The following CCNE1 variants were observed in gnomAD, a reference collection of about 807,000 sequenced individuals.
CCNE1 encodes G1/S-specific cyclin-E1.
A neutral mutation model predicts 54.1 loss-of-function variants in CCNE1; 8 were observed. The ratio of observed to expected loss-of-function variants is 0.15; its 90% CI spans 0.09 to 0.27. The LOEUF (loss-of-function observed/expected upper bound fraction) is 0.27, where lower values mean the gene tolerates loss of function less well. Ranked by LOEUF, CCNE1 falls within the 10% of genes least tolerant of loss-of-function variation. The pLI is 1.00. For missense variants in CCNE1, 430 were observed against 514.9 expected (o/e 0.84, Z 1.60); for synonymous variants, 179 against 185.2 (o/e 0.97, Z 0.27).
chr19:29,813,783 A>C (rs1210755011), intron 4 of CCNE1, among the ~76,000 whole-genome samples: 1 of 152,200 alleles, frequency 6.6e-6, no homozygotes, highest in Non-Finnish European at 1.5e-5. Flanking sequence ...TTGCAGAAAA[A>C]GCTTGTACTA....
chr19:29,819,701 A>G (rs187406230), intron 6 of CCNE1, among the ~76,000 whole-genome samples: 43 of 152,344 alleles, frequency 2.8e-4, no homozygotes, highest in Admixed American at 7.8e-4. Flanking sequence ...TTGGTTGTAT[A>G]TCTTACTGGG....
At chr19:29,818,077 A>G (rs1974068498) in intron 6 of CCNE1, among the ~76,000 whole-genome samples, 1 of 141,390 alleles carries the variant, frequency 7.1e-6, no homozygotes, top group South Asian at 2.2e-4. Flanking sequence ...CCCAGGCTAG[A>G]GTGCAGTGGT....
chr19:29,812,945 G>T (rs1973929337), intron 3 of CCNE1, 24 bp from the exon 4 acceptor site: 2 of 1,613,886 alleles, frequency 1.2e-6, no homozygotes, highest in Non-Finnish European at 1.7e-6. Flanking sequence ...TTTCCTTGGG[G>T]TCATGGGGGT....
intron 5 of CCNE1, 38 bp downstream of exon 5, chr19:29,817,320 TA>T: frequency 6.2e-7 from 1 of 1,613,970 alleles, no homozygotes; most frequent in Non-Finnish European, 8.5e-7. Context: ...CCAGGTCTCT[TA>T]CTCCATGCTC....
chr19:29,821,609 T>C (rs1212850973), intron 7 of CCNE1, 113 bp from the exon 8 acceptor site: 1 of 487,646 alleles, frequency 2.1e-6, no homozygotes, highest in Non-Finnish European at 3.8e-6. Context: ...ATTCCATCAG[T>C]GCGCCCTCTC....
At chr19:29,812,445 T>C (rs3218027) in intron 1 of CCNE1, 87 bp from the exon 2 acceptor site, 364,036 of 974,856 alleles carry the variant, frequency 0.37, 71,154 homozygotes, top group Non-Finnish European at 0.4. Flanking sequence ...TCTTCCTGGC[T>C]CGCCCGGCCG....
At chr19:29,812,626 G>A (rs1030878257) in intron 2 of CCNE1, 48 bp downstream of exon 2, 64 of 1,548,816 alleles carry the variant, frequency 4.1e-5, no homozygotes, top group Non-Finnish European at 5.5e-5. Context: ...GGGACGGGAC[G>A]GGTGGCGTGG....
At position 29,823,924 on chromosome 19, in the gene CCNE1, C is replaced by G. The variant is rs889857228; in HGVS notation, c.*147C>G. On this transcript the variant is annotated 3_prime_UTR_variant, in exon 12 of 12. Transcript: ENST00000262643. ...ACAGAAGTATTTCTGTGGATGGCAT[C>G]AAACAGGGCAAAGTGTTTTTTATTG... The G allele has an allele frequency of 1.6e-5, 14 of 885,532 alleles. No homozygotes were observed. In the Admixed American group the frequency reaches 3.4e-4, roughly 21 times the overall value. The allele number at this position is 885,532 out of a possible 1,614,324, so 54.9% of individuals were successfully genotyped here. A position where few individuals can be genotyped will look rare whatever the true frequency, so the allele number is the denominator to read the frequency against.
chr19:29,818,192 A>T (rs989499497), intron 6 of CCNE1, among the ~76,000 whole-genome samples: 1 of 151,956 alleles, frequency 6.6e-6, no homozygotes, highest in East Asian at 1.9e-4. Context: ...ACGTCTGGCT[A>T]ATTTTTTGTA....
intron 5 of CCNE1, 41 bp downstream of exon 5, chr19:29,817,323 T>G (rs1403709350): frequency 6.2e-7 from 1 of 1,613,866 alleles, no homozygotes; most frequent in South Asian, 1.1e-5. Flanking sequence ...GGTCTCTTAC[T>G]CCATGCTCCC....
Position 29,823,712 on chromosome 19 carries a change from C to T in CCNE1, c.1168C>T (p.Pro390Ser). 2 of 1,614,142 alleles carry T rather than the reference C, an allele frequency of 1.2e-6. No individual in the cohort carries two copies. The highest frequency in any genetic ancestry group is 1.7e-6 in the Non-Finnish European group (2 of 1,179,974). Reference sequence around the variant, plus strand: ...TGAACAAAATAGGGCTTCTCCTCTCCCCAGTGGGCTCCTCACCCCGCCACA... The same window carrying T: ...TGAACAAAATAGGGCTTCTCCTCTCTCCAGTGGGCTCCTCACCCCGCCACA... ...LSEQNRASPL[P>S]SGLLTPPQSG... Residue 390 changes from proline to serine, a missense_variant, in exon 12 of 12, where the codon CCC becomes TCC. Physicochemically the swap from Pro to Ser is moderately conservative, Grantham distance 74. This residue lies in a region of CCNE1 where 303 missense variants were observed against 401.1 expected (regional missense o/e 0.76). Transcript: ENST00000262643.
intron 11 of CCNE1, among the ~76,000 whole-genome samples, chr19:29,823,102 T>C (rs528068814): frequency 6.6e-6 from 1 of 152,010 alleles, no homozygotes; most frequent in South Asian, 2.1e-4. Flanking sequence ...TAAAGTGCTC[T>C]TTGATATTTT....
At position 29,822,619 on chromosome 19, in the gene CCNE1, T is replaced by C. The variant is rs1599604579; in HGVS notation, c.1110+16T>C. 5.0e-6 allele frequency: 4 copies of C among 798,828 alleles called. No individual in the cohort carries two copies. Among genetic ancestry groups the C allele is most frequent in the Non-Finnish European group, 5.7e-6 (3 of 529,698 alleles). The allele number at this position is 798,828 out of a possible 1,614,324, so 49.5% of individuals were successfully genotyped here. A position where few individuals can be genotyped will look rare whatever the true frequency, so the allele number is the denominator to read the frequency against. ...GGATTTGCTGGTCAGTGCTGCTCCTTCTTTCAGTCCTTCTTGGCCAAATTC... is the reference window on the plus strand; with the variant it reads ...GGATTTGCTGGTCAGTGCTGCTCCTCCTTTCAGTCCTTCTTGGCCAAATTC... On this transcript the variant is annotated intron_variant, in intron 11 of 11. Transcript: ENST00000262643.
At position 29,813,005 on chromosome 19, in the gene CCNE1, G is replaced by A. The variant is rs1195034768; in HGVS notation, c.148G>A (p.Asp50Asn). Residue 50 changes from aspartate to asparagine, a missense_variant, in exon 4 of 12, where the codon GAC becomes AAC. By Grantham distance (23) the Asp-to-Asn change is conservative (BLOSUM62 1). Coordinates refer to ENST00000262643, the MANE Select transcript of CCNE1 (RefSeq NM_001238.4). ...TCCAGATGAAGAAATGGCCAAAATC[G>A]ACAGGACGGCGAGGGACCAGTGTGG... Reference protein sequence around the residue: ...QDPDEEMAKIDRTARDQCGSQ... With the variant: ...QDPDEEMAKINRTARDQCGSQ... 6.2e-7 allele frequency: 1 copy of A among 1,614,128 alleles called. No homozygotes were observed. Among genetic ancestry groups the A allele is most frequent in the East Asian group, 2.2e-5 (1 of 44,878 alleles).
At chr19:29,815,229 C>T (rs1055345326) in intron 4 of CCNE1, among the ~76,000 whole-genome samples, 26 of 152,218 alleles carry the variant, frequency 1.7e-4, no homozygotes, top group African/African-American at 5.3e-4. Context: ...TAGAGGGTGG[C>T]ACCCAGCATT....
chr19:29,822,072 A>G lies in CCNE1; in HGVS notation c.782A>G (p.Asp261Gly). ...TACATGCAGGTTGCATATCTAAATGACTTACATGAAGTGCTACTGCCGCAG... is the reference window on the plus strand; with the variant it reads ...TACATGCAGGTTGCATATCTAAATGGCTTACATGAAGTGCTACTGCCGCAG... ...NVYMQVAYLN[D>G]LHEVLLPQYP... The change falls in exon 9 of 12, where the codon GAC becomes GGC. Residue 261 changes from aspartate to glycine, a missense_variant. By Grantham distance (94) the Asp-to-Gly change is moderately conservative (BLOSUM62 -1). Around this residue, in one of 2 missense-constraint regions of CCNE1, gnomAD observed 303 missense variants for 401.1 expected, o/e 0.76. Transcript: ENST00000262643. The G allele has an allele frequency of 6.2e-7, 1 of 1,614,048 alleles. No individual in the cohort carries two copies. Among genetic ancestry groups the G allele is most frequent in the Non-Finnish European group, 8.5e-7 (1 of 1,179,960 alleles).
intron 7 of CCNE1, 54 bp from the exon 8 acceptor site, chr19:29,821,668 T>G: frequency 2.9e-6 from 3 of 1,026,826 alleles, no homozygotes; most frequent in Non-Finnish European, 3.1e-6. Context: ...CATTATAAAT[T>G]GAGACTGTTA....
chr19:29,812,618 G>T (rs1411939510), intron 2 of CCNE1, 40 bp downstream of exon 2: 1 of 1,546,254 alleles, frequency 6.5e-7, no homozygotes, highest in African/African-American at 1.4e-5. Context: ...GACGGGACGG[G>T]ACGGGACGGG....
At chr19:29,813,356 G>A (rs951541756) in intron 4 of CCNE1, 4 of 319,254 alleles carry the variant, frequency 1.3e-5, no homozygotes, top group Non-Finnish European at 2.4e-5. Context: ...TCAGTTAGAG[G>A]AAGAAAGTAA....
Sources: gnomAD v4.1 joint callset for allele counts (sites outside exome capture counted in the v4.1 genomes callset) on GRCh38, gnomAD v4.1.1 for gene constraint, gnomAD v4.1.1 regional missense constraint, MANE v1.5 for transcripts, NCBI Gene and HGNC (gene_info 2026-07-23, HGNC 2026-07-21) for gene names.